The following CDH12 variants were observed in gnomAD, a reference collection of about 807,000 sequenced individuals.
CDH12 encodes cadherin 12.
A neutral mutation model predicts 74.1 loss-of-function variants in CDH12; 41 were observed. That is an observed-to-expected ratio of 0.55 (90% CI 0.43 to 0.72). The LOEUF (loss-of-function observed/expected upper bound fraction) is 0.72. Ranked by LOEUF, CDH12 falls within the 30% of genes least tolerant of loss-of-function variation. CDH12 has a pLI of 0.00. For synonymous variants in CDH12, 399 were observed against 355.0 expected (o/e 1.12, Z -1.39); for missense variants, 945 against 977.2 (o/e 0.97, Z 0.44).
chr5:22,395,787 T>C (rs1222422121), intron 3 of CDH12, among the ~76,000 whole-genome samples: 7 of 152,118 alleles, frequency 4.6e-5, no homozygotes, highest in Admixed American at 3.9e-4. Context: ...AGTATCCTGT[T>C]AAAAATGTTG....
chr5:22,303,921 T>C (rs1339114606), intron 3 of CDH12, among the ~76,000 whole-genome samples: 1 of 152,140 alleles, frequency 6.6e-6, no homozygotes, highest in East Asian at 1.9e-4. Context: ...ATTCAGAAAC[T>C]AATATATTTT....
intron 7 of CDH12, among the ~76,000 whole-genome samples, chr5:21,852,858 T>C (rs997710833): frequency 1.3e-5 from 2 of 151,368 alleles, no homozygotes; most frequent in African/African-American, 2.4e-5. Flanking sequence ...GCATTGTCCA[T>C]ACTTCCATTT....
At chr5:22,678,722 A>G (rs967671735) in intron 1 of CDH12, among the ~76,000 whole-genome samples, 1 of 152,168 alleles carries the variant, frequency 6.6e-6, no homozygotes, top group African/African-American at 2.4e-5. Context: ...CAAATAAAGA[A>G]GGAAAGAACA....
At chr5:22,424,503 C>A (rs1407242400) in intron 2 of CDH12, among the ~76,000 whole-genome samples, 4 of 152,144 alleles carry the variant, frequency 2.6e-5, no homozygotes, top group Non-Finnish European at 2.9e-5. Context: ...CCAACTGCCA[C>A]CAGAAAGTCT....
At chr5:22,347,029 C>A (rs1228346840) in intron 3 of CDH12, among the ~76,000 whole-genome samples, 1 of 152,134 alleles carries the variant, frequency 6.6e-6, no homozygotes, top group Admixed American at 6.5e-5. Flanking sequence ...ATCAAGTGAG[C>A]TTAATATTGA....
intron 3 of CDH12, among the ~76,000 whole-genome samples, chr5:22,370,834 ACAG>A (rs1242491292): frequency 2.6e-5 from 4 of 152,176 alleles, no homozygotes; most frequent in African/African-American, 9.6e-5. Context: ...TCTGCCTTCA[ACAG>A]CAAAAAAATC....
At chr5:21,987,653 A>G (rs1445370730) in intron 5 of CDH12, among the ~76,000 whole-genome samples, 2 of 152,208 alleles carry the variant, frequency 1.3e-5, no homozygotes, top group African/African-American at 4.8e-5. Context: ...ACTGATACTG[A>G]GGGAAGTGCA....
intron 3 of CDH12, among the ~76,000 whole-genome samples, chr5:22,281,885 A>G (rs1468285324): frequency 6.6e-6 from 1 of 152,194 alleles, no homozygotes; most frequent in African/African-American, 2.4e-5. Flanking sequence ...TTTTAATTTC[A>G]TAGGAAACCA....
intron 1 of CDH12, among the ~76,000 whole-genome samples, chr5:22,785,676 C>T (rs1159782722): frequency 6.6e-6 from 1 of 152,070 alleles, no homozygotes; most frequent in Non-Finnish European, 1.5e-5. Context: ...TGTCACTACA[C>T]CTGGCTAATT....
chr5:22,593,155 TC>T (rs1220152872), intron 1 of CDH12, among the ~76,000 whole-genome samples: 1 of 152,120 alleles, frequency 6.6e-6, no homozygotes, highest in Admixed American at 6.5e-5. Context: ...TATAATGATC[TC>T]AATCCCTTTC....
intron 1 of CDH12, among the ~76,000 whole-genome samples, chr5:22,831,546 A>G (rs1736612584): frequency 6.6e-6 from 1 of 152,082 alleles, no homozygotes; most frequent in African/African-American, 2.4e-5. Flanking sequence ...ATTCCAAAAT[A>G]TAAATTATAA....
At chr5:22,301,710 C>A (rs1487698849) in intron 3 of CDH12, among the ~76,000 whole-genome samples, 2 of 151,972 alleles carry the variant, frequency 1.3e-5, no homozygotes, top group African/African-American at 4.8e-5. Flanking sequence ...TGGCTCACTG[C>A]AACCTCCATC....
intron 3 of CDH12, among the ~76,000 whole-genome samples, chr5:22,324,945 T>C (rs1212172882): frequency 1.3e-5 from 2 of 152,164 alleles, no homozygotes; most frequent in African/African-American, 4.8e-5. Flanking sequence ...GGATGATCAT[T>C]ATCTAAGTGG....
intron 4 of CDH12, among the ~76,000 whole-genome samples, chr5:22,128,345 A>T (rs1266381454): frequency 6.6e-6 from 1 of 152,200 alleles, no homozygotes; most frequent in East Asian, 1.9e-4. Context: ...GCAAATTTAC[A>T]TAGTAGAGAG....
At chr5:22,644,125 C>T (rs1207006257) in intron 1 of CDH12, among the ~76,000 whole-genome samples, 1 of 152,052 alleles carries the variant, frequency 6.6e-6, no homozygotes, top group East Asian at 1.9e-4. Context: ...AGCCAATTAA[C>T]AACCCTTAAA....
chr5:22,846,585 T>C (rs1249843663), intron 1 of CDH12, among the ~76,000 whole-genome samples: 1 of 152,142 alleles, frequency 6.6e-6, no homozygotes, highest in Non-Finnish European at 1.5e-5. Context: ...GTGAAAAAAA[T>C]CATCTAAACA....
chr5:21,953,821 GTATATGCATGA>G (rs1202086120), intron 6 of CDH12, among the ~76,000 whole-genome samples: 7 of 151,864 alleles, frequency 4.6e-5, no homozygotes, highest in African/African-American at 1.7e-4. Context: ...CATGAAGTTG[GTATATGCATGA>G]GCAGATACAT....
intron 1 of CDH12, among the ~76,000 whole-genome samples, chr5:22,647,242 G>A (rs1739481365): frequency 1.3e-5 from 2 of 151,836 alleles, no homozygotes; most frequent in East Asian, 1.9e-4. Context: ...AGCAGGAAAG[G>A]GAGGAAGGTA....
rs904208249 is a variant in CDH12 at position 22,501,338 on chromosome 5, G to T, written c.-428+3932C>A. 4.9e-4 allele frequency among the ~76,000 whole-genome samples: 74 copies of T among 152,112 alleles called. 1 individual carries two copies. The highest frequency in any genetic ancestry group is 2.1e-4 in the Non-Finnish European group (14 of 68,014). ...TAAAGGATAATTCATGGAAGACTGG[G>T]ATACCTTTTTTAATGTACTCTTTTC... On this transcript the variant is annotated intron_variant, in intron 2 of 14. Transcript: ENST00000382254.
Sources: allele counts gnomAD v4.1 joint callset (sites outside exome capture counted in the v4.1 genomes callset), GRCh38; gene constraint gnomAD v4.1.1; transcripts MANE v1.5; gene names NCBI Gene and HGNC (gene_info 2026-07-23, HGNC 2026-07-21).